CACNA1B: variants seen among roughly 807,000 people sequenced by gnomAD.
The protein encoded by CACNA1B is calcium voltage-gated channel subunit alpha1 B.
A neutral mutation model predicts 247.2 loss-of-function variants in CACNA1B; 70 were observed. The observed-to-expected ratio is 0.28, with a 90% CI of 0.23 to 0.35. The LOEUF (loss-of-function observed/expected upper bound fraction) is 0.35. Among genes scored for constraint, CACNA1B ranks in the 10% least tolerant of loss-of-function variants. The probability of loss-of-function intolerance (pLI) is 1.00; values close to 1 mark genes in which losing one functional copy is unlikely to be tolerated. For synonymous variants in CACNA1B, 1,231 were observed against 1,294.4 expected, an observed-to-expected ratio of 0.95 and a Z score of 1.05; for missense variants, 2,367 against 3,197.4, an observed-to-expected ratio of 0.74 and a Z score of 6.26.
At chr9:138,022,356 G>A (rs10121562) in intron 18 of CACNA1B, among the ~76,000 whole-genome samples, 3,544 of 152,254 alleles carry the variant, frequency 0.023, 121 homozygotes, top group African/African-American at 0.076. Context: ...TGACCACCTC[G>A]GGGACTGGCA....
rs1456826396 is a variant in CACNA1B at position 137,919,241 on chromosome 9, C to T, written c.966+1810C>T. ...AGTAGGACCCAGTGAGTGCTGGCTC[C>T]GCTTACACAGTGGTGAGCAGAGGCA... is the stretch of plus-strand genomic sequence containing the variant. On this transcript the variant is annotated intron_variant, in intron 6 of 46. Transcript: ENST00000371372. This position sits in a 1 kb window ranked among gnomAD's most constrained non-coding sequence, Gnocchi z 4.6. Among the ~76,000 whole-genome samples, 3 of 152,236 alleles carry T rather than the reference C, an allele frequency of 2.0e-5. No individual in the cohort carries two copies. Among genetic ancestry groups the T allele is most frequent in the Non-Finnish European group, 4.4e-5 (3 of 68,044 alleles).
At chr9:137,964,635 C>T (rs935500036) in intron 10 of CACNA1B, among the ~76,000 whole-genome samples, 23 of 152,194 alleles carry the variant, frequency 1.5e-4, no homozygotes, top group African/African-American at 5.3e-4. Context: ...TGGGTTACCA[C>T]ATGCTCTTAT....
rs117802279 is a variant in CACNA1B, at chr9:137,975,375, C to T, written c.1544-532C>T. 2.8e-4 allele frequency among the ~76,000 whole-genome samples: 42 copies of T among 152,252 alleles called. No individual in the cohort carries two copies. The East Asian group carries it at 8.0e-3, about 29-fold the overall frequency. The stretch of plus-strand genomic sequence containing the variant: ...CAAACGTGAACAGAATACAAGTCAG[C>T]CACAGTGCCGTGGACATTGTGGGGA... On this transcript the variant is annotated intron_variant, in intron 11 of 46. Coordinates refer to ENST00000371372, the MANE Select transcript of CACNA1B (RefSeq NM_000718.4).
chr9:137,938,655 CAA>C (rs1206898424), intron 6 of CACNA1B, among the ~76,000 whole-genome samples: 2 of 152,106 alleles, frequency 1.3e-5, no homozygotes, highest in Non-Finnish European at 2.9e-5. Context: ...TTAAAAAAGA[CAA>C]AGAGGGACAT....
At chr9:137,903,749 CT>C (rs1013060951) in intron 3 of CACNA1B, among the ~76,000 whole-genome samples, 9 of 148,246 alleles carry the variant, frequency 6.1e-5, no homozygotes, top group South Asian at 2.1e-4. Context: ...TTCAGCTCTC[CT>C]TTTTTTTTTG....
chr9:138,066,465 AGAGG>A (rs890721415), intron 31 of CACNA1B, among the ~76,000 whole-genome samples: 1 of 152,060 alleles, frequency 6.6e-6, no homozygotes, highest in Non-Finnish European at 1.5e-5. Context: ...AGAGAGAGAG[AGAGG>A]CAGGGAGGCA....
chr9:137,957,511 A>G lies in CACNA1B; in HGVS notation c.1244-87A>G, dbSNP rs1957963021. 2.3e-5 allele frequency: 22 copies of G among 948,894 alleles called. No individual in the cohort carries two copies. In the South Asian group the frequency reaches 4.0e-4, roughly 17 times the overall value. 58.8% of individuals were successfully genotyped at this position (948,894 alleles called of 1,614,324 possible). On this transcript the variant is annotated intron_variant, in intron 9 of 46. Coordinates refer to ENST00000371372, the MANE Select transcript of CACNA1B (RefSeq NM_000718.4). This position sits in a 1 kb window ranked among gnomAD's most constrained non-coding sequence, Gnocchi z 4.7. ...GAGCTCAGGAGAGGTCACTGGTCCC[A>G]GGGGGAGGGTGATCCCATGCCCCGC...
In CACNA1B at chr9:137,882,747, G is replaced by A. The variant is rs762168298; in HGVS notation, c.394G>A (p.Asp132Asn). Residue 132 changes from aspartate (D) to asparagine (N), a missense_variant, in exon 3 of 47, where the codon GAC becomes AAC. By Grantham distance (23) the Asp-to-Asn change is conservative. Around this residue, in one of 12 missense-constraint regions of CACNA1B, gnomAD observed 130 missense variants for 338.7 expected, o/e 0.38. Coordinates refer to ENST00000371372, the MANE Select transcript of CACNA1B (RefSeq NM_000718.4). The surrounding 1 kb of genome is among the most constrained non-coding windows in gnomAD (Gnocchi z 4.0). ...DKTPMSERLD[D>N]TEPYFIGIFC... ...CACTGTTCTGCGCTTCTCCTAGGACGACACGGAGCCCTATTTCATCGGGAT... is the reference window on the plus strand; with the variant it reads ...CACTGTTCTGCGCTTCTCCTAGGACAACACGGAGCCCTATTTCATCGGGAT... The A allele has an allele frequency of 6.2e-6, 10 of 1,613,928 alleles. No individual in the cohort carries two copies. Among genetic ancestry groups the A allele is most frequent in the African/African-American group, 1.3e-5 (1 of 75,048 alleles).
At position 138,073,474 on chromosome 9, in the gene CACNA1B, C is replaced by T. The variant is rs765460190; in HGVS notation, c.4675-14C>T. The T allele has an allele frequency of 6.5e-7, 1 of 1,543,450 alleles. No individual in the cohort carries two copies. The highest frequency in any genetic ancestry group is 1.1e-5 in the South Asian group (1 of 89,608). On this transcript the variant is annotated splice_polypyrimidine_tract_variant and intron_variant, in intron 32 of 46. Transcript: ENST00000371372. This position sits in a 1 kb window ranked among gnomAD's most constrained non-coding sequence, Gnocchi z 6.4. Reference sequence around the variant, plus strand: ...GGCTTCTGAAGGTCAGAGAACAATTCCTCTTCTCTGCAGAACAATTTCATC... The same window carrying T: ...GGCTTCTGAAGGTCAGAGAACAATTTCTCTTCTCTGCAGAACAATTTCATC...
At position 137,882,159 on chromosome 9, in the gene CACNA1B, C is replaced by T. The variant is rs542468594; in HGVS notation, c.391-585C>T. 4.6e-5 allele frequency among the ~76,000 whole-genome samples: 7 copies of T among 152,140 alleles called. No individual in the cohort carries two copies. The highest frequency in any genetic ancestry group is 4.1e-4 in the South Asian group (2 of 4,820). ...CCCGGGTGCATGTTGAATGCATAAACGGGGCCTGGACTGAGTTCAAGAAAG... is the reference window on the plus strand; with the variant it reads ...CCCGGGTGCATGTTGAATGCATAAATGGGGCCTGGACTGAGTTCAAGAAAG... On this transcript the variant is annotated intron_variant, in intron 2 of 46. Coordinates refer to ENST00000371372, the MANE Select transcript of CACNA1B (RefSeq NM_000718.4). The surrounding 1 kb of genome is among the most constrained non-coding windows in gnomAD (Gnocchi z 4.0).
At chr9:138,095,784 G>A (rs1330273779) in intron 36 of CACNA1B, among the ~76,000 whole-genome samples, 3 of 152,180 alleles carry the variant, frequency 2.0e-5, no homozygotes, top group Non-Finnish European at 2.9e-5. Flanking sequence ...AAAAAGAAGT[G>A]AAGTACTAAT....
Position 137,971,313 on chromosome 9 carries a change from G to T in CACNA1B, c.1334-70G>T. On this transcript the variant is annotated intron_variant, in intron 10 of 46. Coordinates refer to ENST00000371372, the MANE Select transcript of CACNA1B (RefSeq NM_000718.4). This position sits in a 1 kb window ranked among gnomAD's most constrained non-coding sequence, Gnocchi z 4.4. ...CAGGTGTCCTCCAGAGTGCGTCTGT[G>T]GGGGTCCACAGGTGGGGTAGGCGGG... is the stretch of plus-strand genomic sequence containing the variant. 1.8e-6 allele frequency: 2 copies of T among 1,131,640 alleles called. No homozygotes were observed. The highest frequency in any genetic ancestry group is 1.5e-5 in the African/African-American group (1 of 65,424). The allele number at this position is 1,131,640 out of a possible 1,614,324, so 70.1% of individuals were successfully genotyped here. A position where few individuals can be genotyped will look rare whatever the true frequency, so the allele number is the denominator to read the frequency against.
intron 40 of CACNA1B, 31 bp downstream of exon 40, chr9:138,112,536 C>T (rs911167648): frequency 1.3e-5 from 18 of 1,408,732 alleles, no homozygotes; most frequent in Non-Finnish European, 1.7e-5. Context: ...TGCCCCCAGC[C>T]CCCACCTTTA....
At chr9:138,082,851 A>C (rs1359918402) in intron 36 of CACNA1B, among the ~76,000 whole-genome samples, 1 of 151,186 alleles carries the variant, frequency 6.6e-6, no homozygotes, top group South Asian at 2.1e-4. Context: ...AGTACATCAG[A>C]GGTGTAACAG....
At chr9:138,077,219 G>C (rs947570320) in intron 35 of CACNA1B, among the ~76,000 whole-genome samples, 1 of 152,142 alleles carries the variant, frequency 6.6e-6, no homozygotes, top group Admixed American at 6.5e-5. Context: ...TTACGCCTGG[G>C]GCTGCGCACA....
chr9:137,994,188 A>G (rs1958469045), intron 15 of CACNA1B, among the ~76,000 whole-genome samples: 1 of 152,218 alleles, frequency 6.6e-6, no homozygotes, highest in Non-Finnish European at 1.5e-5. Context: ...AGCATACACG[A>G]GACATACCTT....
rs1473687531 is a variant in CACNA1B at position 138,059,877 on chromosome 9, C to T, written c.4668+140C>T. On this transcript the variant is annotated intron_variant, in intron 31 of 46. Transcript: ENST00000371372. This position sits in a 1 kb window ranked among gnomAD's most constrained non-coding sequence, Gnocchi z 4.2. Reference sequence around the variant, plus strand: ...CCCCTGGACATGTGGAGGCTTCGCTCCAGGGGTGGAGTTTAGGGATTGGGT... The same window carrying T: ...CCCCTGGACATGTGGAGGCTTCGCTTCAGGGGTGGAGTTTAGGGATTGGGT... The T allele has an allele frequency of 5.9e-5, 37 of 631,386 alleles. No individual in the cohort carries two copies. Among genetic ancestry groups the T allele is most frequent in the East Asian group, 2.7e-5 (1 of 37,414 alleles). 39.1% of individuals were successfully genotyped at this position (631,386 alleles called of 1,614,324 possible).
intron 31 of CACNA1B, among the ~76,000 whole-genome samples, chr9:138,068,113 A>G (rs1959991101): frequency 1.3e-5 from 2 of 152,212 alleles, no homozygotes; most frequent in South Asian, 2.1e-4. Context: ...CGCAAGTCAA[A>G]GAAGCCTGCG....
At chr9:137,926,816 C>T (rs1957556056) in intron 6 of CACNA1B, among the ~76,000 whole-genome samples, 1 of 152,128 alleles carries the variant, frequency 6.6e-6, no homozygotes, top group Non-Finnish European at 1.5e-5. Flanking sequence ...TTTTCTTGCA[C>T]TTATTGGCCA....
Sources: gnomAD v4.1 joint callset for allele counts (sites outside exome capture counted in the v4.1 genomes callset) on GRCh38, gnomAD v4.1.1 for gene constraint, gnomAD v4.1.1 regional missense constraint, Gnocchi (gnomAD v3.1) non-coding constraint, MANE v1.5 for transcripts, NCBI Gene and HGNC (gene_info 2026-07-23, HGNC 2026-07-21) for gene names.